FAM107B: variants seen among roughly 807,000 people sequenced by gnomAD.
FAM107B encodes family with sequence similarity 107 member B, also known as protein FAM107B.
In FAM107B, 21 loss-of-function variants were observed where a neutral mutation model predicts 31.5. That is an observed-to-expected ratio of 0.67 (90% CI 0.47 to 0.96). The LOEUF (loss-of-function observed/expected upper bound fraction) is 0.96. Among genes scored for constraint, FAM107B ranks in the 40% least tolerant of loss-of-function variants. The probability of loss-of-function intolerance (pLI) is 0.00; values close to 1 mark genes in which losing one functional copy is unlikely to be tolerated. For synonymous variants in FAM107B, 157 were observed against 141.5 expected (o/e 1.11, Z -0.78); for missense variants, 452 against 377.1 (o/e 1.20, Z -1.64).
chr10:14,762,798 ACAC>A (rs1833082623), intron 1 of FAM107B, among the ~76,000 whole-genome samples: 14 of 148,644 alleles, frequency 9.4e-5, no homozygotes, highest in South Asian at 2.1e-4. Flanking sequence ...ACACACACAC[ACAC>A]AAAAAGAACA....
At chr10:14,585,825 G>A (rs554871380) in intron 2 of FAM107B, among the ~76,000 whole-genome samples, 12 of 152,262 alleles carry the variant, frequency 7.9e-5, no homozygotes, top group African/African-American at 2.4e-4. Context: ...CCAAGTACTC[G>A]TGAGTAGGGT....
intron 1 of FAM107B, among the ~76,000 whole-genome samples, chr10:14,754,817 A>C (rs2131585208): frequency 6.6e-6 from 1 of 152,356 alleles, no homozygotes; most frequent in African/African-American, 2.4e-5. Flanking sequence ...TGTTTCTGCA[A>C]CCATACGGAT....
At chr10:14,630,808 G>A (rs1266089971) in intron 2 of FAM107B, among the ~76,000 whole-genome samples, 1 of 152,006 alleles carries the variant, frequency 6.6e-6, no homozygotes, top group Non-Finnish European at 1.5e-5. Context: ...CCATGATCAT[G>A]TCACTGCACT....
intron 1 of FAM107B, among the ~76,000 whole-genome samples, chr10:14,671,377 G>A (rs1854536451): frequency 6.6e-6 from 1 of 152,144 alleles, no homozygotes; most frequent in African/African-American, 2.4e-5. Context: ...GGAAGAAAAG[G>A]GGGAAACAGG....
chr10:14,685,091 G>T (rs551447618), intron 1 of FAM107B, among the ~76,000 whole-genome samples: 1 of 150,780 alleles, frequency 6.6e-6, no homozygotes, highest in East Asian at 2.0e-4. Flanking sequence ...ATCTCCCAAA[G>T]TGCTGAGATT....
In FAM107B at chr10:14,719,603, C is replaced by T. The variant is rs552138555; in HGVS notation, c.412-51912G>A. 1.4e-4 allele frequency among the ~76,000 whole-genome samples: 22 copies of T among 152,338 alleles called. No individual in the cohort carries two copies. The East Asian group carries it at 2.7e-3, about 19-fold the overall frequency. On this transcript the variant is annotated intron_variant, in intron 1 of 4. Coordinates refer to ENST00000181796, the MANE Select transcript of FAM107B (RefSeq NM_031453.4). ...GACATTTCCCATGCTCCCTTGCGTA[C>T]GGCCTTCCTGCCAGGTAAGGCCAAT...
chr10:14,751,768 G>A (rs566843917), intron 1 of FAM107B, among the ~76,000 whole-genome samples: 32 of 152,168 alleles, frequency 2.1e-4, no homozygotes, highest in African/African-American at 7.7e-4. Context: ...TCTGTGTTCC[G>A]CAAGAGCTGC....
At chr10:14,637,517 G>T (rs1231653009) in intron 2 of FAM107B, among the ~76,000 whole-genome samples, 3 of 152,074 alleles carry the variant, frequency 2.0e-5, no homozygotes, top group African/African-American at 7.2e-5. Context: ...TTTTTATGGT[G>T]CTTGTAGTCC....
intron 2 of FAM107B, among the ~76,000 whole-genome samples, chr10:14,581,035 G>A (rs556479911): frequency 9.8e-5 from 15 of 152,322 alleles, no homozygotes; most frequent in East Asian, 1.9e-4. Context: ...CTCTGCTGCT[G>A]GAAACAGCAG....
chr10:14,728,078 T>C (rs970806590), intron 1 of FAM107B, among the ~76,000 whole-genome samples: 3 of 152,186 alleles, frequency 2.0e-5, no homozygotes, highest in Non-Finnish European at 4.4e-5. Context: ...AGGAAGCCTC[T>C]TGAATAACTT....
chr10:14,757,632 C>T (rs192768883), intron 1 of FAM107B, among the ~76,000 whole-genome samples: 4 of 152,286 alleles, frequency 2.6e-5, no homozygotes, highest in African/African-American at 9.6e-5. Flanking sequence ...CCGCAGGCAG[C>T]TGGAGAGGTG....
At chr10:14,600,342 C>G (rs1852348754) in intron 2 of FAM107B, among the ~76,000 whole-genome samples, 1 of 152,182 alleles carries the variant, frequency 6.6e-6, no homozygotes, top group Non-Finnish European at 1.5e-5. Flanking sequence ...GACAAAGTGT[C>G]CGAACCCCAC....
At chr10:14,646,755 A>G (rs948869651) in intron 2 of FAM107B, among the ~76,000 whole-genome samples, 1 of 134,706 alleles carries the variant, frequency 7.4e-6, no homozygotes, top group Non-Finnish European at 1.6e-5. Context: ...ACTGTTTTCC[A>G]TTGAGGTTGT....
At chr10:14,524,686 T>C (rs1475862596) in intron 3 of FAM107B, among the ~76,000 whole-genome samples, 1 of 152,234 alleles carries the variant, frequency 6.6e-6, no homozygotes, top group Non-Finnish European at 1.5e-5. Context: ...TATCAAAAAG[T>C]CTTGATATAA....
intron 2 of FAM107B, chr10:14,571,738 G>A (rs942294803): frequency 2.0e-6 from 2 of 978,512 alleles, no homozygotes; most frequent in Admixed American, 1.2e-4. Flanking sequence ...AACAGCCATA[G>A]AAAAGTCCCA....
Position 14,571,697 on chromosome 10 carries a change from C to A in FAM107B, c.470-41182G>T, listed in dbSNP as rs185524926. The A allele has an allele frequency of 4.3e-4, 377 of 879,122 alleles. 1 individual carries two copies. The African/African-American group carries it at 6.1e-3, about 14-fold the overall frequency. The allele number at this position is 879,122 out of a possible 1,614,324, so 54.5% of individuals were successfully genotyped here. ...TTGTGTTAACAAGTCTAAGTTCACA[C>A]AACATTTTCTAGAGAAGGACTACAT... is the stretch of plus-strand genomic sequence containing the variant. On this transcript the variant is annotated intron_variant, in intron 2 of 4. Coordinates refer to ENST00000181796, the MANE Select transcript of FAM107B (RefSeq NM_031453.4).
rs769717869 is a variant in FAM107B, at chr10:14,671,837, T to C, written c.412-4146A>G. Among the ~76,000 whole-genome samples the C allele has an allele frequency of 1.3e-4, 20 of 150,000 alleles. 1 individual carries two copies. Among genetic ancestry groups the C allele is most frequent in the Non-Finnish European group, 2.4e-4 (16 of 67,874 alleles). ...CTGAAGCAAGATTAACCCTGGACTT[T>C]TCCGCATAAGGCAGCTAATACACTC... On this transcript the variant is annotated intron_variant, in intron 1 of 4. Coordinates refer to ENST00000181796, the MANE Select transcript of FAM107B (RefSeq NM_031453.4).
intron 1 of FAM107B, among the ~76,000 whole-genome samples, chr10:14,678,016 A>G (rs944291829): frequency 1.3e-5 from 2 of 152,152 alleles, no homozygotes; most frequent in South Asian, 4.1e-4. Context: ...TATCATCCCC[A>G]TTTTACAGAT....
At chr10:14,529,182 AT>A (rs973981891) in intron 3 of FAM107B, among the ~76,000 whole-genome samples, 22 of 152,292 alleles carry the variant, frequency 1.4e-4, no homozygotes, top group Admixed American at 4.6e-4. Context: ...TGATAGTCTC[AT>A]TTTGCTTTGG....
Sources: gnomAD v4.1 joint callset for allele counts (sites outside exome capture counted in the v4.1 genomes callset) on GRCh38, gnomAD v4.1.1 for gene constraint, MANE v1.5 for transcripts, NCBI Gene and HGNC (gene_info 2026-07-23, HGNC 2026-07-21) for gene names.